Variants in PPP1R36 observed in about 807,000 individuals in gnomAD.
PPP1R36 encodes protein phosphatase 1 regulatory subunit 36.
A neutral mutation model predicts 53.4 loss-of-function variants in PPP1R36; 47 were observed. That is an observed-to-expected ratio of 0.88 (90% CI 0.70 to 1.12). PPP1R36 has a LOEUF of 1.12. PPP1R36 is among the 50% of genes most tolerant of loss of function. The probability of loss-of-function intolerance (pLI) is 0.00; values close to 1 mark genes in which losing one functional copy is unlikely to be tolerated. For missense variants in PPP1R36, 456 were observed against 513.9 expected, an observed-to-expected ratio of 0.89 and a Z score of 1.09; for synonymous variants, 153 against 170.5, an observed-to-expected ratio of 0.90 and a Z score of 0.80.
chr14:64,552,855 A>G lies in PPP1R36; in HGVS notation c.176A>G (p.His59Arg). Residue 59 changes from histidine (H) to arginine (R), a missense_variant, in exon 3 of 12, where the codon CAC (histidine) becomes CGC (arginine). By Grantham distance (29) the His-to-Arg change is conservative. Coordinates refer to ENST00000298705, the MANE Select transcript of PPP1R36 (RefSeq NM_172365.3). The part of the protein sequence containing the change: ...EDSVQWLLKH[H>R]PHFTPAAEVK... ...TCTGTCCAGTGGCTCCTGAAACATC[A>G]CCCTCAGTGAGTGTGAGACAGACAG... The G allele has an allele frequency of 6.2e-7, 1 of 1,613,556 alleles. No homozygotes were observed. The highest frequency in any genetic ancestry group is 8.5e-7 in the Non-Finnish European group (1 of 1,179,502).
chr14:64,588,275 G>A lies in PPP1R36; in HGVS notation c.1062G>A (p.Leu354=), dbSNP rs1423448548. 1 of 1,611,710 alleles carries A rather than the reference G, an allele frequency of 6.2e-7. No individual in the cohort carries two copies. ...AGATGCAAAAGCATGTGGGAACTCTGGACTCTGTGCCCATGCCGGTGTAAG... is the reference window on the plus strand; with the variant it reads ...AGATGCAAAAGCATGTGGGAACTCTAGACTCTGTGCCCATGCCGGTGTAAG... ...PAEMQKHVGT[L]DSVPMPVVGI... The change falls in exon 11 of 12, where the codon CTG becomes CTA. Residue 354 remains leucine, a synonymous_variant. Transcript: ENST00000298705.
At chr14:64,556,601 A>AT (rs753994540) in intron 3 of PPP1R36, among the ~76,000 whole-genome samples, 49,043 of 122,674 alleles carry the variant, frequency 0.4, 10,196 homozygotes, top group East Asian at 0.61. Flanking sequence ...TGTTCCCACA[A>AT]TTTTTTTTTT....
intron 7 of PPP1R36, among the ~76,000 whole-genome samples, chr14:64,568,960 G>A (rs926286550): frequency 6.6e-5 from 10 of 152,054 alleles, no homozygotes; most frequent in Non-Finnish European, 1.3e-4. Flanking sequence ...TGCAGATATA[G>A]TTGTTGTTTG....
rs913133780 is a variant in PPP1R36, at chr14:64,570,280, G to A, written c.533+1833G>A. On this transcript the variant is annotated intron_variant, in intron 7 of 11. Coordinates refer to ENST00000298705, the MANE Select transcript of PPP1R36 (RefSeq NM_172365.3). ...GAGTGGATCACGAGGTCAGGAGTTC[G>A]AGACCAGCCTGACCAACATGGTGAA... Among the ~76,000 whole-genome samples the A allele has an allele frequency of 6.6e-5, 10 of 152,018 alleles. No homozygotes were observed. The East Asian group carries it at 1.6e-3, about 24-fold the overall frequency.
chr14:64,583,288 A>T (rs2080404390), intron 8 of PPP1R36, among the ~76,000 whole-genome samples: 1 of 151,964 alleles, frequency 6.6e-6, no homozygotes, highest in South Asian at 2.1e-4. Context: ...TTAATATAAA[A>T]ATTATAAAAT....
intron 8 of PPP1R36, among the ~76,000 whole-genome samples, chr14:64,583,178 G>A (rs550743741): frequency 1.8e-4 from 27 of 151,044 alleles, no homozygotes; most frequent in African/African-American, 4.4e-4. Context: ...TTTCCAAAGC[G>A]CTAGAATTAC....
intron 3 of PPP1R36, among the ~76,000 whole-genome samples, chr14:64,560,039 G>A (rs2080192593): frequency 6.8e-6 from 1 of 146,698 alleles, no homozygotes; most frequent in South Asian, 2.2e-4. Flanking sequence ...AGGAGGCGGA[G>A]GTTGCAGTGA....
chr14:64,587,448 C>CTTTTTTT (rs10708900), intron 10 of PPP1R36, 76 bp downstream of exon 10: 66 of 110,940 alleles, frequency 5.9e-4, no homozygotes, highest in Middle Eastern at 3.0e-3. Context: ...CTTTTTTCTC[C>CTTTTTTT]TTTTTTTTTT....
chr14:64,586,778 A>C (rs1007951535), intron 8 of PPP1R36, 59 bp from the exon 9 acceptor site: 1 of 1,177,968 alleles, frequency 8.5e-7, no homozygotes, highest in African/African-American at 1.5e-5. Context: ...GATAAGGACT[A>C]GTACCCTGAA....
At chr14:64,579,948 C>T (rs1038336394) in intron 8 of PPP1R36, among the ~76,000 whole-genome samples, 1 of 151,294 alleles carries the variant, frequency 6.6e-6, no homozygotes, top group Non-Finnish European at 1.5e-5. Context: ...CCAGCCTGGG[C>T]GACAGAGCGA....
At chr14:64,552,181 T>A (rs184018353) in intron 2 of PPP1R36, among the ~76,000 whole-genome samples, 33 of 152,286 alleles carry the variant, frequency 2.2e-4, no homozygotes, top group South Asian at 8.3e-4. Context: ...TTCACCCATA[T>A]ACAGCATTGA....
intron 7 of PPP1R36, among the ~76,000 whole-genome samples, chr14:64,573,909 GTC>G (rs1315372168): frequency 1.4e-5 from 1 of 72,030 alleles, no homozygotes; most frequent in African/African-American, 6.2e-5. Context: ...GCGAGACTCT[GTC>G]TCAAAAAAAA....
At chr14:64,564,387 T>C (rs1566651558) in intron 3 of PPP1R36, among the ~76,000 whole-genome samples, 2 of 152,224 alleles carry the variant, frequency 1.3e-5, no homozygotes, top group Admixed American at 6.5e-5. Flanking sequence ...GTGTTAGAGT[T>C]TCCATGAGGG....
chr14:64,587,832 C>T (rs2080448198), intron 10 of PPP1R36, among the ~76,000 whole-genome samples: 1 of 151,964 alleles, frequency 6.6e-6, no homozygotes, highest in African/African-American at 2.4e-5. Context: ...GATCACAGCT[C>T]ACTGCAGCCT....
chr14:64,554,922 A>G (rs1460008459), intron 3 of PPP1R36, among the ~76,000 whole-genome samples: 1 of 152,172 alleles, frequency 6.6e-6, no homozygotes, highest in Non-Finnish European at 1.5e-5. Context: ...TTAAGAATCC[A>G]GTAGGCAGGA....
chr14:64,582,281 A>G (rs942417714), intron 8 of PPP1R36, among the ~76,000 whole-genome samples: 4 of 152,158 alleles, frequency 2.6e-5, no homozygotes, highest in Non-Finnish European at 5.9e-5. Flanking sequence ...GGGGAGCACA[A>G]CTTTTTTTCT....
At chr14:64,575,726 C>T (rs1489658937) in intron 8 of PPP1R36, among the ~76,000 whole-genome samples, 1 of 151,822 alleles carries the variant, frequency 6.6e-6, no homozygotes, top group African/African-American at 2.4e-5. Flanking sequence ...TCTTGGCTCA[C>T]TGCAAGCCCC....
chr14:64,553,122 T>G (rs2080110290), intron 3 of PPP1R36, among the ~76,000 whole-genome samples: 1 of 152,020 alleles, frequency 6.6e-6, no homozygotes, highest in African/African-American at 2.4e-5. Flanking sequence ...CCCAGCTTGT[T>G]TTTTGTATTT....
At chr14:64,558,070 G>T (rs1424925885) in intron 3 of PPP1R36, among the ~76,000 whole-genome samples, 2 of 152,102 alleles carry the variant, frequency 1.3e-5, no homozygotes, top group Non-Finnish European at 2.9e-5. Context: ...GCAAAAGAAG[G>T]TTCTCCAAGA....
Sources: allele counts gnomAD v4.1 joint callset (sites outside exome capture counted in the v4.1 genomes callset), GRCh38; gene constraint gnomAD v4.1.1; transcripts MANE v1.5; gene names NCBI Gene and HGNC (gene_info 2026-07-23, HGNC 2026-07-21).